Variants in ANKS1B observed in about 807,000 individuals in gnomAD.
The protein encoded by ANKS1B is ankyrin repeat and sterile alpha motif domain-containing protein 1B.
A neutral mutation model predicts 148.3 loss-of-function variants in ANKS1B; 36 were observed. That is an observed-to-expected ratio of 0.24 (90% CI 0.19 to 0.32). The LOEUF is 0.32. Ranked by LOEUF, ANKS1B falls within the 10% of genes least tolerant of loss-of-function variation. The pLI, the probability that ANKS1B is intolerant of heterozygous loss-of-function variation, is 1.00. For synonymous variants in ANKS1B, 542 were observed against 560.8 expected (o/e 0.97, Z 0.47); for missense variants, 1,157 against 1,542.6 (o/e 0.75, Z 4.19).
At chr12:99,192,572 A>T (rs1266639916) in intron 14 of ANKS1B, among the ~76,000 whole-genome samples, 1 of 152,194 alleles carries the variant, frequency 6.6e-6, no homozygotes, top group Non-Finnish European at 1.5e-5. Flanking sequence ...TTAGAGATAT[A>T]AAAGGGGCTT....
chr12:99,820,928 G>C (rs1320875019), intron 2 of ANKS1B, among the ~76,000 whole-genome samples: 1 of 151,820 alleles, frequency 6.6e-6, no homozygotes, highest in Non-Finnish European at 1.5e-5. Context: ...TAACTAAATG[G>C]GCATTGTTTC....
chr12:99,302,054 A>G lies in ANKS1B; in HGVS notation c.1757-55190T>C, dbSNP rs192281308. On this transcript the variant is annotated intron_variant, in intron 12 of 26. Coordinates refer to ENST00000683438, the MANE Select transcript of ANKS1B (RefSeq NM_001352186.2). ...ACAGAAAACAGGTGTGGGAAATATC[A>G]CCAGTTCTTAACTTGGCCTGTCTCT... Among the ~76,000 whole-genome samples, 6 of 152,282 alleles carry G rather than the reference A, an allele frequency of 3.9e-5. No homozygotes were observed. The East Asian group carries it at 1.2e-3, about 29-fold the overall frequency.
At chr12:99,524,564 G>C (rs1224166979) in intron 9 of ANKS1B, among the ~76,000 whole-genome samples, 1 of 152,138 alleles carries the variant, frequency 6.6e-6, no homozygotes, top group Non-Finnish European at 1.5e-5. Context: ...ACTGGTTTTG[G>C]AGCTTGAAGT....
At chr12:98,874,304 A>G (rs78980446) in intron 17 of ANKS1B, among the ~76,000 whole-genome samples, 10 of 147,422 alleles carry the variant, frequency 6.8e-5, no homozygotes, top group Admixed American at 1.3e-4. Context: ...TTATGAAGGG[A>G]AAAAAAAAAT....
chr12:98,953,208 A>T (rs1033356633), intron 17 of ANKS1B, among the ~76,000 whole-genome samples: 1 of 152,116 alleles, frequency 6.6e-6, no homozygotes, highest in East Asian at 1.9e-4. Context: ...TGTAGTAGAG[A>T]TGGGGTTTCA....
chr12:99,721,792 T>C (rs1301283948), intron 8 of ANKS1B, among the ~76,000 whole-genome samples: 2 of 152,248 alleles, frequency 1.3e-5, no homozygotes, highest in African/African-American at 4.8e-5. Flanking sequence ...CTAGGCCTCA[T>C]GTGCCAAACA....
intron 17 of ANKS1B, among the ~76,000 whole-genome samples, chr12:98,979,457 G>C (rs1193233961): frequency 6.6e-6 from 1 of 151,646 alleles, no homozygotes; most frequent in Non-Finnish European, 1.5e-5. Flanking sequence ...ATTTTTAGTA[G>C]AGACGGGGTT....
chr12:99,284,434 T>C (rs1275850613), intron 12 of ANKS1B, among the ~76,000 whole-genome samples: 3 of 152,200 alleles, frequency 2.0e-5, no homozygotes, highest in African/African-American at 7.2e-5. Context: ...ACCTAGATTA[T>C]AACAGTGCTT....
At chr12:99,203,902 T>C (rs922175869) in intron 14 of ANKS1B, among the ~76,000 whole-genome samples, 1 of 152,210 alleles carries the variant, frequency 6.6e-6, no homozygotes, top group Non-Finnish European at 1.5e-5. Context: ...GTCTTATTAA[T>C]GTGATTTTGT....
At chr12:99,575,512 T>A (rs1367740843) in intron 9 of ANKS1B, among the ~76,000 whole-genome samples, 1 of 152,072 alleles carries the variant, frequency 6.6e-6, no homozygotes, top group Non-Finnish European at 1.5e-5. Context: ...TGGATCCACA[T>A]GGCTGGGGAG....
chr12:99,519,862 C>T (rs1277249437), intron 9 of ANKS1B, among the ~76,000 whole-genome samples: 1 of 152,100 alleles, frequency 6.6e-6, no homozygotes. Flanking sequence ...ATGAGCCTTG[C>T]AAATACCATC....
At chr12:98,775,594 A>G (rs185679463) in intron 24 of ANKS1B, among the ~76,000 whole-genome samples, 1 of 149,050 alleles carries the variant, frequency 6.7e-6, no homozygotes, top group Admixed American at 6.7e-5. Flanking sequence ...ACAGGCATGC[A>G]CCACCAGCCT....
At chr12:99,163,467 C>CTGTGTGTGTGTGTGTGTGTG (rs146637164) in intron 14 of ANKS1B, among the ~76,000 whole-genome samples, 2 of 135,004 alleles carry the variant, frequency 1.5e-5, no homozygotes, top group African/African-American at 2.8e-5. Context: ...TACATGCACT[C>CTGTGTGTGTGTGTGTGTGTG]TGTGTGTGTG....
intron 17 of ANKS1B, among the ~76,000 whole-genome samples, chr12:99,011,367 T>C (rs79745062): frequency 0.02 from 3,044 of 152,298 alleles, 108 homozygotes; most frequent in African/African-American, 0.069. Context: ...GGTTTTCACA[T>C]GAAAAACCAA....
At chr12:99,337,768 C>T (rs1449596879) in intron 12 of ANKS1B, among the ~76,000 whole-genome samples, 1 of 152,166 alleles carries the variant, frequency 6.6e-6, no homozygotes, top group African/African-American at 2.4e-5. Flanking sequence ...TACAGAGGTC[C>T]AGCCTTGGTG....
intron 17 of ANKS1B, among the ~76,000 whole-genome samples, chr12:98,959,350 A>C (rs1013440219): frequency 3.9e-5 from 6 of 152,158 alleles, no homozygotes; most frequent in Admixed American, 3.3e-4. Context: ...CCTCAGATAC[A>C]TGACAAGCCA....
chr12:98,825,421 C>T (rs146048903), intron 19 of ANKS1B, among the ~76,000 whole-genome samples: 9 of 152,156 alleles, frequency 5.9e-5, no homozygotes, highest in African/African-American at 2.2e-4. Flanking sequence ...GTCTTTAGTG[C>T]CCCCAGGTAA....
At chr12:99,121,306 T>A (rs2062751210) in intron 15 of ANKS1B, among the ~76,000 whole-genome samples, 1 of 137,528 alleles carries the variant, frequency 7.3e-6, no homozygotes, top group Non-Finnish European at 1.6e-5. Flanking sequence ...GTTTTAACAG[T>A]GTGTGTATGT....
intron 4 of ANKS1B, among the ~76,000 whole-genome samples, chr12:99,790,090 GATAA>G (rs1335358902): frequency 3.9e-5 from 6 of 152,040 alleles, no homozygotes; most frequent in Non-Finnish European, 5.9e-5. Context: ...AAAGGTCAAA[GATAA>G]ATAAATAATC....
Sources: gnomAD v4.1 joint callset for allele counts (sites outside exome capture counted in the v4.1 genomes callset) on GRCh38, gnomAD v4.1.1 for gene constraint, MANE v1.5 for transcripts, NCBI Gene and HGNC (gene_info 2026-07-23, HGNC 2026-07-21) for gene names.